Variants in TAS2R1 observed in about 807,000 individuals in gnomAD.
TAS2R1 encodes the protein taste 2 receptor member 1, also known as taste receptor type 2 member 1.
For missense variants in TAS2R1, 370 were observed against 353.4 expected (o/e 1.05, Z -0.38); for synonymous variants, 141 against 134.2 (o/e 1.05, Z -0.35).
the TAS2R1 span, among the ~76,000 whole-genome samples, chr5:9,724,740 G>A: frequency 3.3e-5 from 5 of 152,184 alleles, no homozygotes; most frequent in African/African-American, 1.2e-4. Context: ...AGTCTTCTCT[G>A]GTGTGTGGCT....
chr5:9,723,706 T>C, the TAS2R1 span, among the ~76,000 whole-genome samples: 1 of 152,218 alleles, frequency 6.6e-6, no homozygotes, highest in Admixed American at 6.5e-5. Flanking sequence ...CCTCGCAGGC[T>C]CTCAGCTTTC....
At chr5:9,768,451 C>T in the TAS2R1 span, among the ~76,000 whole-genome samples, 1 of 152,208 alleles carries the variant, frequency 6.6e-6, no homozygotes, top group Non-Finnish European at 1.5e-5. Context: ...AGTTTGACTT[C>T]CTAGGTCAGC....
the TAS2R1 span, among the ~76,000 whole-genome samples, chr5:9,855,793 A>G: frequency 1.3e-5 from 2 of 152,238 alleles, no homozygotes; most frequent in East Asian, 3.8e-4. Flanking sequence ...AGATAAAATC[A>G]TAAGTATTTA....
the TAS2R1 span, among the ~76,000 whole-genome samples, chr5:9,801,140 G>A: frequency 2.6e-5 from 4 of 152,210 alleles, no homozygotes; most frequent in Non-Finnish European, 5.9e-5. Context: ...GCAGTGAGCA[G>A]AGATCACACT....
chr5:9,656,137 T>A (rs1358874390), intron 2 of TAS2R1, among the ~76,000 whole-genome samples: 1 of 152,202 alleles, frequency 6.6e-6, no homozygotes, highest in African/African-American at 2.4e-5. Flanking sequence ...TCCAAGTGCC[T>A]ACCAAGCACA....
At chr5:9,648,783 A>G (rs1479908436) in intron 2 of TAS2R1, among the ~76,000 whole-genome samples, 1 of 152,116 alleles carries the variant, frequency 6.6e-6, no homozygotes, top group Non-Finnish European at 1.5e-5. Context: ...TTTTGGATAC[A>G]TATGGACCTC....
the TAS2R1 span, among the ~76,000 whole-genome samples, chr5:9,867,795 G>A: frequency 1.3e-5 from 2 of 152,162 alleles, no homozygotes; most frequent in African/African-American, 4.8e-5. Context: ...CCAACTATGA[G>A]CCTGTAAAAT....
chr5:9,793,659 G>A, the TAS2R1 span, among the ~76,000 whole-genome samples: 1 of 152,220 alleles, frequency 6.6e-6, no homozygotes, highest in South Asian at 2.1e-4. Context: ...TGGATGTGGT[G>A]TGTGGTCAGG....
the TAS2R1 span, among the ~76,000 whole-genome samples, chr5:9,821,264 T>C: frequency 6.6e-6 from 1 of 152,196 alleles, no homozygotes; most frequent in Non-Finnish European, 1.5e-5. Context: ...AATGGATTCT[T>C]TCACTTTCTA....
the TAS2R1 span, among the ~76,000 whole-genome samples, chr5:9,839,715 G>A: frequency 7.9e-5 from 12 of 152,084 alleles, no homozygotes; most frequent in Admixed American, 6.5e-4. Flanking sequence ...AACAACAGAC[G>A]GGTAGTTTTT....
chr5:9,706,147 C>T (rs1402345533), intron 1 of TAS2R1, among the ~76,000 whole-genome samples: 1 of 152,226 alleles, frequency 6.6e-6, no homozygotes, highest in Non-Finnish European at 1.5e-5. Flanking sequence ...TAGGAGACTT[C>T]CTCAAACCCA....
chr5:9,845,688 A>G, the TAS2R1 span, among the ~76,000 whole-genome samples: 3 of 152,246 alleles, frequency 2.0e-5, no homozygotes, highest in African/African-American at 4.8e-5. Context: ...GCCGTAATAC[A>G]ATGAGTCTAT....
At chr5:9,895,391 G>A in the TAS2R1 span, among the ~76,000 whole-genome samples, 1 of 152,166 alleles carries the variant, frequency 6.6e-6, no homozygotes, top group Non-Finnish European at 1.5e-5. Context: ...TGAAGGGACC[G>A]CCATTGCCTT....
the TAS2R1 span, among the ~76,000 whole-genome samples, chr5:9,846,306 T>C: frequency 2.6e-5 from 4 of 152,200 alleles, no homozygotes; most frequent in Non-Finnish European, 5.9e-5. Context: ...ACTATGTCTT[T>C]CTGAGCAAGA....
chr5:9,874,339 T>C, the TAS2R1 span, among the ~76,000 whole-genome samples: 4 of 152,216 alleles, frequency 2.6e-5, no homozygotes, highest in Non-Finnish European at 4.4e-5. Flanking sequence ...GCTAGTTTTA[T>C]TGTTTGCTTT....
chr5:9,733,309 G>A, the TAS2R1 span, among the ~76,000 whole-genome samples: 1 of 152,192 alleles, frequency 6.6e-6, no homozygotes, highest in Non-Finnish European at 1.5e-5. Context: ...GGCTGCCTTT[G>A]TGTAACAGCC....
intron 1 of TAS2R1, among the ~76,000 whole-genome samples, chr5:9,704,653 G>A (rs1056981877): frequency 6.6e-6 from 1 of 152,190 alleles, no homozygotes; most frequent in Non-Finnish European, 1.5e-5. Flanking sequence ...TGGTAGACAA[G>A]TGGCCAACTA....
chr5:9,749,958 C>G, the TAS2R1 span, among the ~76,000 whole-genome samples: 7 of 152,308 alleles, frequency 4.6e-5, no homozygotes, highest in Non-Finnish European at 8.8e-5. Context: ...GCTGGACATA[C>G]CCCTTTGCCT....
At chr5:9,887,036 G>T in the TAS2R1 span, among the ~76,000 whole-genome samples, 1 of 152,132 alleles carries the variant, frequency 6.6e-6, no homozygotes, top group Non-Finnish European at 1.5e-5. Context: ...GAATGGAATT[G>T]CTGGAGCATA....
Sources: gnomAD v4.1 joint callset for allele counts (sites outside exome capture counted in the v4.1 genomes callset) on GRCh38, gnomAD v4.1.1 for gene constraint, MANE v1.5 for transcripts, NCBI Gene and HGNC (gene_info 2026-07-23, HGNC 2026-07-21) for gene names.